Variants in RASGRP3 observed in about 807,000 individuals in gnomAD.
RASGRP3 encodes RAS guanyl releasing protein 3, also known as ras guanyl-releasing protein 3.
A neutral mutation model predicts 82.7 loss-of-function variants in RASGRP3; 54 were observed. The observed-to-expected ratio is 0.65, with a 90% confidence interval of 0.52 to 0.82. The LOEUF (loss-of-function observed/expected upper bound fraction) is 0.82, where lower values mean the gene tolerates loss of function less well. Among genes scored for constraint, RASGRP3 ranks in the 40% least tolerant of loss-of-function variants. The pLI is 0.00. For synonymous variants in RASGRP3, 309 were observed against 300.5 expected (o/e 1.03, Z -0.29); for missense variants, 861 against 828.9 (o/e 1.04, Z -0.48).
chr2:33,467,414 A>C (rs1057350384), intron 2 of RASGRP3, among the ~76,000 whole-genome samples: 5 of 152,244 alleles, frequency 3.3e-5, no homozygotes, highest in Non-Finnish European at 7.3e-5. Context: ...GAAGAACAAG[A>C]AGGGTAGAGA....
intron 6 of RASGRP3, 61 bp downstream of exon 6, chr2:33,520,745 T>G: frequency 6.3e-6 from 10 of 1,592,064 alleles, no homozygotes; most frequent in Non-Finnish European, 8.6e-6. Flanking sequence ...GAGGAAGTAG[T>G]GATCACCCCA....
intron 10 of RASGRP3, chr2:33,533,042 T>C (rs369736480): frequency 1.6e-4 from 25 of 152,144 alleles, no homozygotes; most frequent in African/African-American, 2.4e-4. Context: ...TTAGATAAAA[T>C]ATGTTAAAGA....
In RASGRP3 at chr2:33,525,699, CAAAAAAAAAA is replaced by C. The variant is rs1167570668; in HGVS notation, c.807+1170_807+1179del. Among the ~76,000 whole-genome samples, 42 of 54,406 alleles carry C rather than the reference CAAAAAAAAAA, an allele frequency of 7.7e-4. 1 individual carries two copies. The East Asian group carries it at 0.031, about 40-fold the overall frequency. 35.7% of individuals were successfully genotyped at this position (54,406 alleles called of 152,430 possible). A position where few individuals can be genotyped will look rare whatever the true frequency, so the allele number is the denominator to read the frequency against. ...GTAACATAGCTAGATCCTGTCTCTA[CAAAAAAAAAA>C]AAAAAAAAAAAAAAAAAACTAGCCA... On this transcript the variant is annotated intron_variant, in intron 9 of 17. Coordinates refer to ENST00000403687, the MANE Select transcript of RASGRP3 (RefSeq NM_001139488.2).
intron 1 of RASGRP3, chr2:33,481,569 C>G (rs1667916337): frequency 6.6e-6 from 1 of 152,192 alleles, no homozygotes; most frequent in African/African-American, 2.4e-5. Flanking sequence ...AATTTGTATT[C>G]TCTTCAGATA....
intron 1 of RASGRP3, among the ~76,000 whole-genome samples, chr2:33,510,422 G>A (rs1174927592): frequency 1.3e-5 from 2 of 152,176 alleles, no homozygotes; most frequent in African/African-American, 4.8e-5. Flanking sequence ...CAACATCTCT[G>A]ACAGTCATGA....
chr2:33,507,873 G>A (rs1162564788), intron 1 of RASGRP3, among the ~76,000 whole-genome samples: 1 of 152,222 alleles, frequency 6.6e-6, no homozygotes, highest in African/African-American at 2.4e-5. Context: ...ATGGAGAATA[G>A]ATTGTAGTAA....
chr2:33,481,071 A>G (rs918036834), intron 1 of RASGRP3: 1 of 152,268 alleles, frequency 6.6e-6, no homozygotes, highest in African/African-American at 2.4e-5. Context: ...GTCTATGGTC[A>G]TGGGAAAAGT....
rs145682235 is a variant in RASGRP3 at position 33,530,014 on chromosome 2, A to G, written c.1083+2602A>G. On this transcript the variant is annotated intron_variant, in intron 10 of 17. Coordinates refer to ENST00000403687, the MANE Select transcript of RASGRP3 (RefSeq NM_001139488.2). ...TAGCAGTATACATTCCTTCTTCCTG[A>G]CTCCTGAGGATTAATCTCCTCAACA... 8.1e-3 allele frequency among the ~76,000 whole-genome samples: 1,229 copies of G among 152,162 alleles called. 16 individuals are homozygous for G. The highest frequency in any genetic ancestry group is 0.028 in the African/African-American group (1,165 of 41,498).
At chr2:33,544,121 C>A (rs1361805121) in intron 13 of RASGRP3, among the ~76,000 whole-genome samples, 1 of 152,130 alleles carries the variant, frequency 6.6e-6, no homozygotes, top group Admixed American at 6.5e-5. Context: ...AAAGACCAGC[C>A]TGGCCAACAT....
intron 6 of RASGRP3, 66 bp from the exon 7 acceptor site, chr2:33,521,889 G>A (rs930409719): frequency 6.5e-7 from 1 of 1,540,750 alleles, no homozygotes; most frequent in South Asian, 1.3e-5. Context: ...GAGTCAGTAG[G>A]TTAATAACTT....
chr2:33,558,646 T>A lies in RASGRP3; in HGVS notation c.1706-26T>A, dbSNP rs753655035. 4.5e-6 allele frequency: 7 copies of A among 1,551,934 alleles called. No homozygotes were observed. The Admixed American group carries it at 7.5e-5, about 17-fold the overall frequency. On this transcript the variant is annotated intron_variant, in intron 16 of 17. Coordinates refer to ENST00000403687, the MANE Select transcript of RASGRP3 (RefSeq NM_001139488.2). ...TGCTGTCAAGCAGTCAGATGTCAAA[T>A]AATCACCACCCTTTTTCACTTCCAG...
At chr2:33,461,800 C>T (rs1406993635) in intron 2 of RASGRP3, among the ~76,000 whole-genome samples, 1 of 151,936 alleles carries the variant, frequency 6.6e-6, no homozygotes, top group Non-Finnish European at 1.5e-5. Flanking sequence ...TGAGCAAATA[C>T]AGTGTAAGTA....
Position 33,516,639 on chromosome 2 carries a change from C to A in RASGRP3, c.168C>A (p.Leu56=), listed in dbSNP as rs1370049940. The A allele has an allele frequency of 6.5e-7, 1 of 1,530,274 alleles. No homozygotes were observed. Among genetic ancestry groups the A allele is most frequent in the East Asian group, 2.3e-5 (1 of 43,774 alleles). The allele number at this position is 1,530,274 out of a possible 1,614,324, so 94.8% of individuals were successfully genotyped here. A position where few individuals can be genotyped will look rare whatever the true frequency, so the allele number is the denominator to read the frequency against. ...CCACTGAATTGGCAGAAAAACTTCT[C>A]TGCATATATCTTTTCAACTACTGTG... ...LSSTELAEKL[L]CMYRNATGES... The change falls in exon 4 of 18, where the codon CTC becomes CTA. Residue 56 remains leucine (L), a synonymous_variant. Transcript: ENST00000403687.
upstream of RASGRP3, among the ~76,000 whole-genome samples, chr2:33,471,655 A>C (rs894417534): frequency 6.6e-6 from 1 of 152,040 alleles, no homozygotes; most frequent in Non-Finnish European, 1.5e-5. Context: ...CTTGAAGCTC[A>C]GTTAGAACTT....
intron 6 of RASGRP3, among the ~76,000 whole-genome samples, chr2:33,521,464 A>G (rs1672028105): frequency 6.6e-6 from 1 of 152,228 alleles, no homozygotes; most frequent in Admixed American, 6.5e-5. Context: ...CAGGAATTAT[A>G]AGGGATGTTT....
intron 1 of RASGRP3, among the ~76,000 whole-genome samples, chr2:33,509,487 C>T (rs1376308627): frequency 7.9e-5 from 12 of 152,176 alleles, no homozygotes; most frequent in Non-Finnish European, 1.6e-4. Flanking sequence ...ATACTCCTTA[C>T]TAAAGCTTAC....
intron 9 of RASGRP3, among the ~76,000 whole-genome samples, chr2:33,526,254 A>G (rs891844432): frequency 1.3e-5 from 2 of 152,230 alleles, no homozygotes; most frequent in African/African-American, 2.4e-5. Flanking sequence ...CTGGAAATGG[A>G]AACAGACTCT....
intron 1 of RASGRP3, among the ~76,000 whole-genome samples, chr2:33,503,853 C>T (rs540239984): frequency 6.6e-6 from 1 of 152,210 alleles, no homozygotes; most frequent in Admixed American, 6.5e-5. Context: ...TAAAGGAAAT[C>T]TATTTATTAA....
Position 33,527,346 on chromosome 2 carries a change from A to G in RASGRP3, c.1017A>G (p.Glu339=), listed in dbSNP as rs770828641. The part of the protein sequence containing the change: ...KMHQLSVTLS[E]LVSLQNASHH... ...ACCAGCTCTCCGTTACCCTGAGTGA[A>G]CTAGTCTCCCTGCAGAATGCCTCTC... Residue 339 remains glutamate, a synonymous_variant, in exon 10 of 18, where the codon GAA becomes GAG. Transcript: ENST00000403687. 2.7e-5 allele frequency: 44 copies of G among 1,613,740 alleles called. No homozygotes were observed. The African/African-American group carries it at 5.2e-4, about 19-fold the overall frequency.
Sources: allele counts gnomAD v4.1 joint callset (sites outside exome capture counted in the v4.1 genomes callset), GRCh38; gene constraint gnomAD v4.1.1; transcripts MANE v1.5; gene names NCBI Gene and HGNC (gene_info 2026-07-23, HGNC 2026-07-21).